Variants in GNAS-AS1 observed in about 807,000 individuals in gnomAD.
The protein encoded by GNAS-AS1 is GNAS antisense RNA 1.
At chr20:58,819,043 G>A (rs751592774) in exon 5 of GNAS-AS1, 1 of 398,586 alleles carries the variant, frequency 2.5e-6, no homozygotes, top group East Asian at 3.6e-5. Flanking sequence ...AGTTCCCAGC[G>A]GACGTCAGAG....
At position 58,840,311 on chromosome 20, in the gene GNAS-AS1, C is replaced by G. The variant is rs187415363; in HGVS notation, n.819+1626G>C. The stretch of plus-strand genomic sequence containing the variant: ...GCGCCGGAGCTTCCTTAACGCCCAC[C>G]ACCGCTCCGGCGCCCAGGTATTCCC... On this transcript the variant is annotated intron_variant and non_coding_transcript_variant, in intron 4 of 4. Coordinates refer to ENST00000424094, the Ensembl canonical transcript of GNAS-AS1. This position sits in a 1 kb window ranked among gnomAD's most constrained non-coding sequence, Gnocchi z 6.0. 2 of 1,612,754 alleles carry G rather than the reference C, an allele frequency of 1.2e-6. No individual in the cohort carries two copies. The highest frequency in any genetic ancestry group is 1.1e-5 in the South Asian group (1 of 91,090).
At chr20:58,832,323 C>G (rs1407832514) in intron 4 of GNAS-AS1, among the ~76,000 whole-genome samples, 1 of 152,078 alleles carries the variant, frequency 6.6e-6, no homozygotes, top group East Asian at 1.9e-4. Flanking sequence ...GTGACCTGAA[C>G]AGATTGAGAG....
At chr20:58,839,000 G>A in intron 4 of GNAS-AS1, 1 of 396,032 alleles carries the variant, frequency 2.5e-6, no homozygotes, top group Non-Finnish European at 4.4e-6. Flanking sequence ...ACCCTGAACT[G>A]CCCCGCAGGA....
At chr20:58,825,666 G>A (rs1018714847) in intron 4 of GNAS-AS1, among the ~76,000 whole-genome samples, 4 of 152,208 alleles carry the variant, frequency 2.6e-5, no homozygotes, top group African/African-American at 9.7e-5. Flanking sequence ...CAGCAAAAAT[G>A]ACCTCGATAT....
At chr20:58,826,251 G>A (rs773129243) in intron 4 of GNAS-AS1, 4 of 394,080 alleles carry the variant, frequency 1.0e-5, no homozygotes, top group Non-Finnish European at 1.8e-5. Context: ...ACATTTTTTT[G>A]CAATGTTGTC....
At chr20:58,847,031 T>C (rs1054404544) in intron 2 of GNAS-AS1, among the ~76,000 whole-genome samples, 1 of 152,198 alleles carries the variant, frequency 6.6e-6, no homozygotes, top group Admixed American at 6.5e-5. Context: ...CATCATCAGC[T>C]AGTCTGGAGA....
At chr20:58,830,388 C>CCACCACCGCCA (rs1568900221) in intron 4 of GNAS-AS1, among the ~76,000 whole-genome samples, 31 of 142,798 alleles carry the variant, frequency 2.2e-4, no homozygotes, top group Non-Finnish European at 3.4e-4. Context: ...ACCACAATCA[C>CCACCACCGCCA]CACCACCATC....
rs149626880 is a variant in GNAS-AS1, at chr20:58,841,838, G to A, written n.819+99C>T. ...GAGACGTCCTGGGCTGTTTGCGCAG[G>A]ACCTCTGGAGGCCCTCGAGATCGTC... On this transcript the variant is annotated intron_variant and non_coding_transcript_variant, in intron 4 of 4. Coordinates refer to ENST00000424094, the Ensembl canonical transcript of GNAS-AS1. The surrounding 1 kb of genome is among the most constrained non-coding windows in gnomAD (Gnocchi z 5.0). 0.03 allele frequency: 37,012 copies of A among 1,230,970 alleles called. 620 individuals are homozygous for A. Among genetic ancestry groups the A allele is most frequent in the Middle Eastern group, 0.063 (202 of 3,208 alleles). 76.3% of individuals were successfully genotyped at this position (1,230,970 alleles called of 1,614,324 possible).
At chr20:58,831,202 C>G (rs1289479482) in intron 4 of GNAS-AS1, among the ~76,000 whole-genome samples, 1 of 152,152 alleles carries the variant, frequency 6.6e-6, no homozygotes, top group African/African-American at 2.4e-5. Flanking sequence ...TTGGAGGTTC[C>G]TAGATTTTGA....
chr20:58,834,851 G>A (rs981831690), intron 4 of GNAS-AS1, among the ~76,000 whole-genome samples: 1 of 152,184 alleles, frequency 6.6e-6, no homozygotes, highest in Non-Finnish European at 1.5e-5. Context: ...ATACAGTATT[G>A]TAATCCCAAA....
chr20:58,842,005 G>A (rs2085750537), exon 4 of GNAS-AS1: 2 of 881,692 alleles, frequency 2.3e-6, no homozygotes, highest in Non-Finnish European at 3.0e-6. Flanking sequence ...CCAGTCCTTG[G>A]ACGATCAGTC....
rs572907640 is a variant in GNAS-AS1 at position 58,846,698 on chromosome 20, G to A, written n.413+2181C>T. Among the ~76,000 whole-genome samples the A allele has an allele frequency of 1.1e-4, 17 of 152,330 alleles. No homozygotes were observed. The South Asian group carries it at 3.5e-3, about 32-fold the overall frequency. Reference sequence around the variant, plus strand: ...TTCTTCTCCCCTCAACCCCATGTGAGAGCTGGTTTCTGAGTGTCCTGGCTT... The same window carrying A: ...TTCTTCTCCCCTCAACCCCATGTGAAAGCTGGTTTCTGAGTGTCCTGGCTT... On this transcript the variant is annotated intron_variant and non_coding_transcript_variant, in intron 2 of 4. Transcript: ENST00000424094.
chr20:58,840,523 C>T lies in GNAS-AS1; in HGVS notation n.819+1414G>A, dbSNP rs148044699. On this transcript the variant is annotated intron_variant and non_coding_transcript_variant, in intron 4 of 4. Coordinates refer to ENST00000424094, the Ensembl canonical transcript of GNAS-AS1. The surrounding 1 kb of genome is among the most constrained non-coding windows in gnomAD (Gnocchi z 6.0). ...CCGCCCCCACCACTGAGCCCGAGAC[C>T]GAGCCTGAAGACGATCGCGGCCCGG... 1.9e-6 allele frequency: 3 copies of T among 1,613,508 alleles called. No homozygotes were observed. The highest frequency in any genetic ancestry group is 2.2e-5 in the South Asian group (2 of 91,084).
chr20:58,845,744 C>A (rs184582070), intron 2 of GNAS-AS1, among the ~76,000 whole-genome samples: 1 of 152,276 alleles, frequency 6.6e-6, no homozygotes, highest in East Asian at 1.9e-4. Flanking sequence ...GCACTAGTGG[C>A]CATTAATTCA....
intron 2 of GNAS-AS1, among the ~76,000 whole-genome samples, chr20:58,844,969 AC>A (rs1244502296): frequency 2.0e-5 from 3 of 152,206 alleles, no homozygotes; most frequent in African/African-American, 7.2e-5. Context: ...GCAGAATTCC[AC>A]TGTGTCCTTT....
At chr20:58,839,321 A>G (rs535998815) in intron 4 of GNAS-AS1, 4 of 398,556 alleles carry the variant, frequency 1.0e-5, no homozygotes, top group Non-Finnish European at 1.8e-5. Context: ...CAAACTATTA[A>G]GCCATTGGAA....
rs775901436 is a variant in GNAS-AS1, at chr20:58,840,257, C to G, written n.819+1680G>C. 2 of 1,611,628 alleles carry G rather than the reference C, an allele frequency of 1.2e-6. No homozygotes were observed. The highest frequency in any genetic ancestry group is 1.7e-6 in the Non-Finnish European group (2 of 1,179,852). ...CCGCGCCCTTGCCACCTCCAACGCC[C>G]GTGCCCAGCAGCGCGCGGCTGCCCA... On this transcript the variant is annotated intron_variant and non_coding_transcript_variant, in intron 4 of 4. Transcript: ENST00000424094. The surrounding 1 kb of genome is among the most constrained non-coding windows in gnomAD (Gnocchi z 6.0).
intron 4 of GNAS-AS1, among the ~76,000 whole-genome samples, chr20:58,822,860 AACC>A (rs2085495467): frequency 6.6e-6 from 1 of 152,072 alleles, no homozygotes; most frequent in Non-Finnish European, 1.5e-5. Context: ...CAGGGCCCTG[AACC>A]ACCAGCTCTG....
chr20:58,846,456 A>G (rs2085943934), intron 2 of GNAS-AS1, among the ~76,000 whole-genome samples: 1 of 152,220 alleles, frequency 6.6e-6, no homozygotes, highest in African/African-American at 2.4e-5. Context: ...ACCTGGTCCA[A>G]AAATTCCAAT....
Sources: gnomAD v4.1 joint callset for allele counts (sites outside exome capture counted in the v4.1 genomes callset) on GRCh38, gnomAD v4.1.1 for gene constraint, Gnocchi (gnomAD v3.1) non-coding constraint, MANE v1.5 for transcripts, NCBI Gene and HGNC (gene_info 2026-07-23, HGNC 2026-07-21) for gene names.